The following PPP1R7 variants were observed in gnomAD, a reference collection of about 807,000 sequenced individuals.
PPP1R7 encodes the protein protein phosphatase 1 regulatory subunit 22.
Under a neutral mutation model 45.2 loss-of-function variants are expected in PPP1R7, and 18 were observed. The observed-to-expected ratio is 0.40, with a 90% CI of 0.28 to 0.59. PPP1R7 has a LOEUF of 0.59. Ranked by LOEUF, PPP1R7 falls within the 20% of genes least tolerant of loss-of-function variation. PPP1R7 has a pLI of 0.46. For synonymous variants in PPP1R7, 181 were observed against 183.4 expected (o/e 0.99, Z 0.11); for missense variants, 314 against 455.8 (o/e 0.69, Z 2.83).
At chr2:241,179,933 G>A (rs567746019) in intron 9 of PPP1R7, among the ~76,000 whole-genome samples, 3 of 152,324 alleles carry the variant, frequency 2.0e-5, no homozygotes, top group East Asian at 3.9e-4. Flanking sequence ...CTAAGTCCTG[G>A]AGAAAACTGC....
intron 1 of PPP1R7, among the ~76,000 whole-genome samples, chr2:241,153,043 T>G (rs191781742): frequency 6.6e-6 from 1 of 152,102 alleles, no homozygotes; most frequent in Admixed American, 6.5e-5. Flanking sequence ...TGAACTTGGC[T>G]GGTTTTCTTA....
chr2:241,163,928 T>A (rs1027527760), intron 7 of PPP1R7, among the ~76,000 whole-genome samples: 4 of 151,698 alleles, frequency 2.6e-5, no homozygotes, highest in Non-Finnish European at 4.4e-5. Flanking sequence ...CTTTTTTTTT[T>A]AAGAGACAAG....
upstream of PPP1R7, chr2:241,150,174 T>C (rs1029954795): frequency 2.1e-5 from 27 of 1,274,256 alleles, no homozygotes; most frequent in African/African-American, 3.9e-4. Context: ...AGGGCGTCTC[T>C]CCACTCTGCC....
upstream of PPP1R7, chr2:241,149,788 G>A: frequency 1.3e-6 from 2 of 1,535,126 alleles, no homozygotes; most frequent in Non-Finnish European, 1.7e-6. Flanking sequence ...TGGGCCGGGT[G>A]GCTCCGCAGG....
intron 2 of PPP1R7, among the ~76,000 whole-genome samples, chr2:241,156,089 C>A (rs1334548161): frequency 1.3e-5 from 2 of 152,166 alleles, no homozygotes; most frequent in African/African-American, 4.8e-5. Flanking sequence ...GTGCTCCTCT[C>A]AGAGGCCTCC....
chr2:241,174,830 A>C (rs1412784024), intron 9 of PPP1R7, among the ~76,000 whole-genome samples: 6 of 151,954 alleles, frequency 3.9e-5, no homozygotes, highest in Non-Finnish European at 1.5e-5. Flanking sequence ...GCCCGCCACC[A>C]CGCCTGGCTA....
chr2:241,175,222 A>G (rs1371876035), intron 9 of PPP1R7, among the ~76,000 whole-genome samples: 1 of 152,240 alleles, frequency 6.6e-6, no homozygotes, highest in Non-Finnish European at 1.5e-5. Context: ...GTGGAAGTGT[A>G]CAGTGAGTGG....
chr2:241,152,589 T>A (rs927961845), intron 1 of PPP1R7, among the ~76,000 whole-genome samples: 2 of 152,228 alleles, frequency 1.3e-5, no homozygotes, highest in African/African-American at 4.8e-5. Flanking sequence ...TTTGCTAGGC[T>A]AAGCGGGAAG....
intron 8 of PPP1R7, chr2:241,166,960 C>T (rs779229576): frequency 3.1e-5 from 36 of 1,164,600 alleles, no homozygotes; most frequent in Non-Finnish European, 4.3e-5. Flanking sequence ...GCAGCTTCCT[C>T]CTCCCCCATT....
In PPP1R7 at chr2:241,166,345, G is replaced by A; in HGVS notation, c.723G>A (p.Arg241=). 6 of 1,613,854 alleles carry A rather than the reference G, an allele frequency of 3.7e-6. No homozygotes were observed. Among genetic ancestry groups the A allele is most frequent in the Non-Finnish European group, 5.1e-6 (6 of 1,179,874 alleles). ...NLTVLSMQSN[R]LTKIEGLQNL... ...TGCTCTCCCTCTTGCAGAGCAACCG[G>A]CTGACCAAGATCGAGGGTCTGCAGA... The change falls in exon 8 of 10, where the codon CGG becomes CGA. Residue 241 remains arginine (R), a synonymous_variant. Transcript: ENST00000234038.
intron 9 of PPP1R7, among the ~76,000 whole-genome samples, chr2:241,177,791 T>C (rs1348574508): frequency 6.6e-6 from 1 of 152,156 alleles, no homozygotes; most frequent in Non-Finnish European, 1.5e-5. Flanking sequence ...AGCATCACAG[T>C]GACCAAAGGC....
In PPP1R7 at chr2:241,183,100, CCT is replaced by C. The variant is rs1333905365; in HGVS notation, c.*278_*279del. ...ACGTTGCGTTCATTCGCTAGAAATCCCTGTTTCCTTCTCTCAGAAGGCAGTCA... is the reference window on the plus strand; with the variant it reads ...ACGTTGCGTTCATTCGCTAGAAATCCGTTTCCTTCTCTCAGAAGGCAGTCA... On this transcript the variant is annotated 3_prime_UTR_variant, in exon 10 of 10. Coordinates refer to ENST00000234038, the MANE Select transcript of PPP1R7 (RefSeq NM_002712.3). The C allele has an allele frequency of 4.9e-5, 23 of 466,446 alleles. No individual in the cohort carries two copies. Among genetic ancestry groups the C allele is most frequent in the African/African-American group, 4.1e-4 (21 of 50,920 alleles). The allele number at this position is 466,446 out of a possible 1,614,324, so 28.9% of individuals were successfully genotyped here. A position where few individuals can be genotyped will look rare whatever the true frequency, so the allele number is the denominator to read the frequency against.
At position 241,150,469 on chromosome 2, in the gene PPP1R7, AT is replaced by A; in HGVS notation, c.-25del. The A allele has an allele frequency of 7.6e-6, 12 of 1,576,336 alleles. No homozygotes were observed. Among genetic ancestry groups the A allele is most frequent in the Non-Finnish European group, 1.0e-5 (12 of 1,161,858 alleles). On this transcript the variant is annotated 5_prime_UTR_variant, in exon 1 of 10. Transcript: ENST00000234038. ...TTGGCTGAGGGGTCTGAGGCGACAG[AT>A]TCCGGAAAGGGGAAGAGCAGCCAAC... is the stretch of plus-strand genomic sequence containing the variant.
At chr2:241,172,609 A>T (rs937088857) in intron 9 of PPP1R7, among the ~76,000 whole-genome samples, 8 of 151,572 alleles carry the variant, frequency 5.3e-5, no homozygotes, top group Admixed American at 4.6e-4. Context: ...GTGCCACTGC[A>T]CTCCAGCCTG....
In PPP1R7 at chr2:241,182,639, G is replaced by C. The variant is rs1173535392; in HGVS notation, c.907-8G>C. On this transcript the variant is annotated splice_polypyrimidine_tract_variant and splice_region_variant and intron_variant, in intron 9 of 9. Transcript: ENST00000234038. ...TTCTAAAGGCTTTTCTGCTGTGTGT[G>C]TCCCCAGATGAACGACAATCTCCTT... 6.2e-7 allele frequency: 1 copy of C among 1,613,934 alleles called. No homozygotes were observed. The highest frequency in any genetic ancestry group is 2.2e-5 in the East Asian group (1 of 44,888).
chr2:241,171,516 C>T (rs77751637), intron 9 of PPP1R7, among the ~76,000 whole-genome samples: 2,532 of 152,266 alleles, frequency 0.017, 86 homozygotes, highest in East Asian at 0.1. Flanking sequence ...ATTTGAGAGG[C>T]ACATCATTCA....
chr2:241,167,833 AT>A (rs2067746374), intron 8 of PPP1R7, among the ~76,000 whole-genome samples: 1 of 152,080 alleles, frequency 6.6e-6, no homozygotes, highest in Admixed American at 6.5e-5. Flanking sequence ...TTCTTCTGCC[AT>A]TTTTTTCAAC....
rs1327477198 is a variant in PPP1R7 at position 241,150,482 on chromosome 2, G to T, written c.-14G>T. 2 of 1,596,218 alleles carry T rather than the reference G, an allele frequency of 1.3e-6. No individual in the cohort carries two copies. The highest frequency in any genetic ancestry group is 3.4e-5 in the Admixed American group (2 of 58,500). Reference sequence around the variant, plus strand: ...CTGAGGCGACAGATTCCGGAAAGGGGAAGAGCAGCCAACATGGCGGCGGAA... The same window carrying T: ...CTGAGGCGACAGATTCCGGAAAGGGTAAGAGCAGCCAACATGGCGGCGGAA... On this transcript the variant is annotated 5_prime_UTR_variant, in exon 1 of 10. Transcript: ENST00000234038.
intron 6 of PPP1R7, among the ~76,000 whole-genome samples, chr2:241,162,683 CT>C (rs1232024996): frequency 0.053 from 7,050 of 134,274 alleles, 188 homozygotes; most frequent in Middle Eastern, 0.12. Flanking sequence ...CTTGGGAGGA[CT>C]TTTTTTTTTT....
Sources: allele counts gnomAD v4.1 joint callset (sites outside exome capture counted in the v4.1 genomes callset), GRCh38; gene constraint gnomAD v4.1.1; transcripts MANE v1.5; gene names NCBI Gene and HGNC (gene_info 2026-07-23, HGNC 2026-07-21).